Variants in NFIA observed in about 807,000 individuals in gnomAD.
The protein encoded by NFIA is nuclear factor I A, also known as nuclear factor 1 A-type.
In NFIA, 8 loss-of-function variants were observed where a neutral mutation model predicts 62.8. The observed-to-expected ratio is 0.13, with a 90% CI of 0.07 to 0.23. The LOEUF (loss-of-function observed/expected upper bound fraction) is 0.23. Ranked by LOEUF, NFIA falls within the 10% of genes least tolerant of loss-of-function variation. The pLI is 1.00. For missense variants in NFIA, 410 were observed against 642.1 expected (o/e 0.64, Z 3.91); for synonymous variants, 235 against 238.1 (o/e 0.99, Z 0.12).
At chr1:61,161,746 T>C (rs542523467) in intron 2 of NFIA, among the ~76,000 whole-genome samples, 1 of 152,072 alleles carries the variant, frequency 6.6e-6, no homozygotes, top group African/African-American at 2.4e-5. Context: ...CATTTATATA[T>C]ACACACACAC....
intron 3 of NFIA, among the ~76,000 whole-genome samples, chr1:61,311,254 G>A (rs1660095741): frequency 1.3e-5 from 2 of 152,102 alleles, no homozygotes; most frequent in South Asian, 4.1e-4. Context: ...ATCCGGGTTT[G>A]GTGGCACATG....
chr1:61,097,816 G>C (rs1214173686), intron 2 of NFIA, among the ~76,000 whole-genome samples: 2 of 152,122 alleles, frequency 1.3e-5, no homozygotes, highest in African/African-American at 4.8e-5. Context: ...AATGAATATT[G>C]TACATACAGG....
In NFIA at chr1:61,168,962, A is replaced by G. The variant is rs1649764843; in HGVS notation, c.559+80282A>G. 4.6e-5 allele frequency among the ~76,000 whole-genome samples: 7 copies of G among 152,338 alleles called. 1 individual carries two copies. The South Asian group carries it at 1.4e-3, about 32-fold the overall frequency. On this transcript the variant is annotated intron_variant, in intron 2 of 10. Transcript: ENST00000403491. ...TTATCATAATTTTGTTGGTGAGAAG[A>G]TGCAGCTATATAAAACAAAGAACAA...
At chr1:61,149,522 A>C (rs908101739) in intron 2 of NFIA, among the ~76,000 whole-genome samples, 1 of 152,186 alleles carries the variant, frequency 6.6e-6, no homozygotes, top group Non-Finnish European at 1.5e-5. Context: ...AATGTAAACC[A>C]GAAGAGCCAG....
intron 2 of NFIA, among the ~76,000 whole-genome samples, chr1:61,096,093 T>A (rs1288552955): frequency 1.3e-5 from 2 of 152,126 alleles, no homozygotes; most frequent in Non-Finnish European, 2.9e-5. Flanking sequence ...GCCAAAATCA[T>A]GTTTGAGAAA....
At chr1:61,410,572 G>A (rs1297052430) in intron 9 of NFIA, among the ~76,000 whole-genome samples, 1 of 152,066 alleles carries the variant, frequency 6.6e-6, no homozygotes, top group Non-Finnish European at 1.5e-5. Context: ...TTCTATTTAG[G>A]AGTTTGAGAT....
Position 61,082,704 on chromosome 1 carries a change from C to T in NFIA, c.-88C>T. The stretch of plus-strand genomic sequence containing the variant: ...TCTCTCTCTCTCTCTCTCTTCCTCT[C>T]TCCCTCTTTCTCCTCTCTCACCCAC... On this transcript the variant is annotated 5_prime_UTR_variant, in exon 1 of 11. Coordinates refer to ENST00000403491, the MANE Select transcript of NFIA (RefSeq NM_001134673.4). 8 of 1,547,064 alleles carry T rather than the reference C, an allele frequency of 5.2e-6. No individual in the cohort carries two copies. In the South Asian group the frequency reaches 7.2e-5, roughly 14 times the overall value.
intron 3 of NFIA, among the ~76,000 whole-genome samples, chr1:61,324,544 T>C (rs946033450): frequency 6.6e-6 from 1 of 152,202 alleles, no homozygotes. Context: ...TAAACTTTCC[T>C]TCTCAGATGC....
intron 3 of NFIA, among the ~76,000 whole-genome samples, chr1:61,328,431 T>TA (rs1166608763): frequency 0.22 from 982 of 4,400 alleles, 17 homozygotes; most frequent in African/African-American, 0.43. Flanking sequence ...TATATATATA[T>TA]TTTTTTCGAG....
intron 2 of NFIA, among the ~76,000 whole-genome samples, chr1:61,103,973 TTTGAGCTTTTTATCTAGAAAAGATG>T: frequency 6.6e-6 from 1 of 152,128 alleles, no homozygotes; most frequent in Non-Finnish European, 1.5e-5. Flanking sequence ...TTGACTTTTA[TTTGAGCTTTTTATCTAGAAAAGATG>T]ATTTGGTGAT....
intron 10 of NFIA, among the ~76,000 whole-genome samples, chr1:61,431,745 A>T (rs1297849892): frequency 6.6e-6 from 1 of 152,174 alleles, no homozygotes; most frequent in Non-Finnish European, 1.5e-5. Flanking sequence ...TGGGCATGAC[A>T]CCCGTTGTCT....
rs1210370044 is a variant in NFIA at position 61,088,271 on chromosome 1, A to T, written c.150A>T (p.Lys50Asn). ...YFKKHEKRMS[K>N]EEERAVKDEL... Reference sequence around the variant, plus strand: ...AAAAACATGAAAAGCGTATGTCAAAAGAAGAAGAGAGAGCCGTGAAGGATG... The same window carrying T: ...AAAAACATGAAAAGCGTATGTCAAATGAAGAAGAGAGAGCCGTGAAGGATG... Residue 50 changes from lysine (K) to asparagine (N), a missense_variant, in exon 2 of 11, where the codon AAA becomes AAT. Around this residue, in one of 3 missense-constraint regions of NFIA, gnomAD observed 86 missense variants for 124.6 expected, o/e 0.69. Coordinates refer to ENST00000403491, the MANE Select transcript of NFIA (RefSeq NM_001134673.4). This position sits in a 1 kb window ranked among gnomAD's most constrained non-coding sequence, Gnocchi z 4.5. 6.2e-7 allele frequency: 1 copy of T among 1,613,702 alleles called. No homozygotes were observed. The highest frequency in any genetic ancestry group is 8.5e-7 in the Non-Finnish European group (1 of 1,179,960).
chr1:61,163,443 T>C (rs1649353463), intron 2 of NFIA, among the ~76,000 whole-genome samples: 1 of 152,206 alleles, frequency 6.6e-6, no homozygotes, highest in Admixed American at 6.5e-5. Flanking sequence ...TTGGTTTTTT[T>C]TGTAAAGGAT....
In NFIA at chr1:61,455,263, A is replaced by G. The variant is rs542084314; in HGVS notation, c.1513-40A>G. On this transcript the variant is annotated intron_variant, in intron 10 of 10. Transcript: ENST00000403491. ...CAACTTCTAAAACACACGTTTTTAC[A>G]AATTGTGATTTTAATTGTATTTTTC... 25 of 1,611,656 alleles carry G rather than the reference A, an allele frequency of 1.6e-5. 1 individual carries two copies. The South Asian group carries it at 2.7e-4, about 18-fold the overall frequency.
intron 2 of NFIA, among the ~76,000 whole-genome samples, chr1:61,114,503 A>G (rs893220882): frequency 6.6e-5 from 10 of 152,098 alleles, no homozygotes; most frequent in Non-Finnish European, 1.5e-4. Flanking sequence ...CATAAAGCAA[A>G]AAACATTATT....
intron 2 of NFIA, among the ~76,000 whole-genome samples, chr1:61,111,804 A>G (rs567966056): frequency 6.6e-6 from 1 of 152,288 alleles, no homozygotes; most frequent in Admixed American, 6.5e-5. Context: ...TCAATAAGCC[A>G]GTTGTAAAAT....
At chr1:61,101,679 CCTT>C (rs1228077816) in intron 2 of NFIA, among the ~76,000 whole-genome samples, 5 of 152,036 alleles carry the variant, frequency 3.3e-5, no homozygotes, top group South Asian at 2.1e-4. Flanking sequence ...CTATTTTGCT[CCTT>C]CTTGGAAAAA....
intron 2 of NFIA, among the ~76,000 whole-genome samples, chr1:61,203,472 T>C (rs1652664455): frequency 6.6e-6 from 1 of 152,126 alleles, no homozygotes; most frequent in Non-Finnish European, 1.5e-5. Context: ...TCTATGCCTG[T>C]TTTTCTGCCT....
chr1:61,118,261 A>G (rs1490367249), intron 2 of NFIA, among the ~76,000 whole-genome samples: 1 of 152,196 alleles, frequency 6.6e-6, no homozygotes, highest in Non-Finnish European at 1.5e-5. Flanking sequence ...ATTCTTATTC[A>G]GAATCAGCAT....
Sources: gnomAD v4.1 joint callset for allele counts (sites outside exome capture counted in the v4.1 genomes callset) on GRCh38, gnomAD v4.1.1 for gene constraint, gnomAD v4.1.1 regional missense constraint, Gnocchi (gnomAD v3.1) non-coding constraint, MANE v1.5 for transcripts, NCBI Gene and HGNC (gene_info 2026-07-23, HGNC 2026-07-21) for gene names.